TLE6: variants seen among roughly 807,000 people sequenced by gnomAD.
The protein encoded by TLE6 is TLE family member 6, subcortical maternal complex member, also known as transducin-like enhancer protein 6.
Under a neutral mutation model 77.1 loss-of-function variants are expected in TLE6, and 72 were observed. The observed-to-expected ratio is 0.93, with a 90% confidence interval of 0.77 to 1.14. TLE6 has a LOEUF of 1.14. Among genes scored for constraint, TLE6 ranks in the 50% most tolerant of loss-of-function variants. TLE6 has a pLI of 0.00. For synonymous variants in TLE6, 366 were observed against 287.3 expected (o/e 1.27, Z -2.77); for missense variants, 843 against 747.6 (o/e 1.13, Z -1.49).
At chr19:2,986,171 G>A (rs894281820) in intron 5 of TLE6, among the ~76,000 whole-genome samples, 1 of 150,160 alleles carries the variant, frequency 6.7e-6, no homozygotes, top group Admixed American at 6.7e-5. Flanking sequence ...CCAGCACTTT[G>A]GGAGGCACAC....
chr19:2,992,528 T>C (rs1369677149), intron 14 of TLE6, among the ~76,000 whole-genome samples: 4 of 151,900 alleles, frequency 2.6e-5, no homozygotes, highest in Non-Finnish European at 2.9e-5. Context: ...CCCACCACTT[T>C]GGGAGGCAGA....
At chr19:2,981,237 G>A (rs1166933958) in intron 3 of TLE6, among the ~76,000 whole-genome samples, 1 of 151,470 alleles carries the variant, frequency 6.6e-6, no homozygotes, top group Admixed American at 6.6e-5. Context: ...GCAGGTGTCT[G>A]TAATCCCAGC....
chr19:2,987,865 C>A (rs770094871), intron 9 of TLE6, 33 bp from the exon 10 acceptor site: 3 of 1,613,008 alleles, frequency 1.9e-6, no homozygotes, highest in South Asian at 2.2e-5. Flanking sequence ...GGAGCCAATG[C>A]AAGCCGCTTA....
At chr19:2,979,754 G>C (rs1448492562) in intron 2 of TLE6, among the ~76,000 whole-genome samples, 5 of 145,274 alleles carry the variant, frequency 3.4e-5, no homozygotes, top group African/African-American at 1.0e-4. Flanking sequence ...GCCTGGCCAA[G>C]ATGGTGAAAC....
At chr19:2,993,778 C>T (rs931671387) in intron 15 of TLE6, among the ~76,000 whole-genome samples, 196 bp downstream of exon 15, 4 of 151,978 alleles carry the variant, frequency 2.6e-5, no homozygotes, top group Non-Finnish European at 4.4e-5. Context: ...CCTCCCCACC[C>T]GCCCCACCGG....
intron 16 of TLE6, among the ~76,000 whole-genome samples, chr19:2,994,615 T>A (rs193101407): frequency 0.032 from 4,062 of 125,468 alleles, 89 homozygotes; most frequent in Non-Finnish European, 0.048. Flanking sequence ...AAAAAAATAA[T>A]AATAATAATT....
chr19:2,980,123 T>A lies in TLE6; in HGVS notation c.75T>A (p.Ser25=). 6.4e-7 allele frequency: 1 copy of A among 1,550,610 alleles called. No individual in the cohort carries two copies. Reference sequence around the variant, plus strand: ...AGCCTTGTCCTGGGATCTCGAACTCTGAGAGCTCTCCGACGCTGAATTATC... The same window carrying A: ...AGCCTTGTCCTGGGATCTCGAACTCAGAGAGCTCTCCGACGCTGAATTATC... ...STSPCPGISN[S]ESSPTLNYQG... is the part of the protein sequence containing the mutation. The change falls in exon 3 of 17, where the codon TCT becomes TCA. Residue 25 remains serine, a synonymous_variant. Transcript: ENST00000246112.
intron 5 of TLE6, among the ~76,000 whole-genome samples, chr19:2,985,593 G>C (rs951420012): frequency 3.5e-4 from 31 of 88,876 alleles, no homozygotes; most frequent in Non-Finnish European, 5.3e-4. Flanking sequence ...TTTTTTTTTT[G>C]TATTTTTAGT....
intron 1 of TLE6, 123 bp downstream of exon 1, chr19:2,977,733 G>A: frequency 6.4e-6 from 1 of 155,900 alleles, no homozygotes. Context: ...GCTGGGTGCT[G>A]CAGCAGGGAT....
chr19:2,977,491 C>CGGGACGGGGCG (rs1343399069), upstream of TLE6: 2 of 138,436 alleles, frequency 1.4e-5, no homozygotes, highest in African/African-American at 5.2e-5. Flanking sequence ...GGGGCCTGGG[C>CGGGACGGGGCG]GGGACGGGGC....
intron 13 of TLE6, among the ~76,000 whole-genome samples, chr19:2,991,061 CATATT>C (rs922245639): frequency 6.7e-5 from 10 of 149,170 alleles, no homozygotes; most frequent in African/African-American, 2.0e-4. Context: ...TACACACACA[CATATT>C]AAATATATGT....
Position 2,987,810 on chromosome 19 carries a change from G to A in TLE6, c.625+20G>A. The A allele has an allele frequency of 1.2e-6, 2 of 1,614,094 alleles. No individual in the cohort carries two copies. Among genetic ancestry groups the A allele is most frequent in the Non-Finnish European group, 1.7e-6 (2 of 1,179,998 alleles). On this transcript the variant is annotated intron_variant, in intron 9 of 16. Transcript: ENST00000246112. ...CCTCCAGTAATCCCAGCGGGCAGGGGCCGACCGACTCCAGGCGGGATGGGG... is the reference window on the plus strand; with the variant it reads ...CCTCCAGTAATCCCAGCGGGCAGGGACCGACCGACTCCAGGCGGGATGGGG...
chr19:2,992,960 G>A (rs764361959), intron 14 of TLE6, among the ~76,000 whole-genome samples: 5 of 150,058 alleles, frequency 3.3e-5, no homozygotes, highest in Non-Finnish European at 5.9e-5. Context: ...AGGCCAAGGC[G>A]GGTGGATCAT....
chr19:2,987,264 A>G, intron 7 of TLE6, 26 bp downstream of exon 7: 1 of 1,613,892 alleles, frequency 6.2e-7, no homozygotes, highest in Non-Finnish European at 8.5e-7. Flanking sequence ...GGTGAGGGGG[A>G]AGGGGCAGCC....
At chr19:2,984,791 G>T (rs1038651644) in intron 5 of TLE6, among the ~76,000 whole-genome samples, 1 of 152,056 alleles carries the variant, frequency 6.6e-6, no homozygotes, top group African/African-American at 2.4e-5. Context: ...TTTGAACATG[G>T]CTACTAGACA....
chr19:2,980,640 G>T (rs1443325618), intron 3 of TLE6, among the ~76,000 whole-genome samples: 2 of 151,614 alleles, frequency 1.3e-5, no homozygotes, highest in East Asian at 3.9e-4. Flanking sequence ...GGAAACTGAG[G>T]CAGGAGAATC....
chr19:2,991,257 G>A (rs1249062743), intron 13 of TLE6, among the ~76,000 whole-genome samples: 1 of 150,636 alleles, frequency 6.6e-6, no homozygotes, highest in Non-Finnish European at 1.5e-5. Flanking sequence ...TACTCGGGAG[G>A]CTGAGGCAGG....
At position 2,980,148 on chromosome 19, in the gene TLE6, C is replaced by T. The variant is rs1472543344; in HGVS notation, c.100C>T (p.Gln34Ter). 1 of 1,549,740 alleles carries T rather than the reference C, an allele frequency of 6.5e-7. No individual in the cohort carries two copies. Among genetic ancestry groups the T allele is most frequent in the Non-Finnish European group, 8.7e-7 (1 of 1,145,780 alleles). Residue 34 changes from glutamine to a stop codon, truncating the protein, a stop_gained, in exon 3 of 17, where the codon CAG (glutamine) becomes TAG (stop). Transcript: ENST00000246112. LOFTEE classifies it high-confidence loss of function. Reference protein sequence around the residue: ...NSESSPTLNYQGILNRLKQFP... With the variant: ...NSESSPTLNY ...TGAGAGCTCTCCGACGCTGAATTAT[C>T]AGGGCATTCTAAATCGGCTCAAGCA...
chr19:2,978,632 T>G (rs1017716393), intron 2 of TLE6, among the ~76,000 whole-genome samples: 2 of 152,122 alleles, frequency 1.3e-5, no homozygotes, highest in Non-Finnish European at 2.9e-5. Flanking sequence ...GACGTGGGCC[T>G]GTAGTTGCAG....
Sources: gnomAD v4.1 joint callset for allele counts (sites outside exome capture counted in the v4.1 genomes callset) on GRCh38, gnomAD v4.1.1 for gene constraint, MANE v1.5 for transcripts, NCBI Gene and HGNC (gene_info 2026-07-23, HGNC 2026-07-21) for gene names.